RAB3D: variants seen among roughly 807,000 people sequenced by gnomAD.
RAB3D encodes the protein ras-related protein Rab-3D.
RAB3D carries 17 observed loss-of-function variants against 19.3 expected under a neutral mutation model. That is an observed-to-expected ratio of 0.88 (90% CI 0.60 to 1.32). RAB3D has a LOEUF of 1.32. Ranked by LOEUF, RAB3D falls within the 40% of genes most tolerant of loss-of-function variation. RAB3D has a pLI of 0.00. For missense variants in RAB3D, 223 were observed against 299.1 expected (o/e 0.75, Z 1.88); for synonymous variants, 103 against 119.9 (o/e 0.86, Z 0.92).
chr19:11,336,919 A>G (rs1311635097), intron 2 of RAB3D, among the ~76,000 whole-genome samples: 1 of 150,906 alleles, frequency 6.6e-6, no homozygotes, highest in Non-Finnish European at 1.5e-5. Context: ...GCAGTGAGCC[A>G]ACATTGTGCC....
At position 11,323,224 on chromosome 19, in the gene RAB3D, GC is replaced by G. The variant is rs2080791478; in HGVS notation, c.*2173del. 6.6e-6 allele frequency: 1 copy of G among 151,838 alleles called. No homozygotes were observed. The allele number at this position is 151,838 out of a possible 1,614,324, so 9.4% of individuals were successfully genotyped here. A position where few individuals can be genotyped will look rare whatever the true frequency, so the allele number is the denominator to read the frequency against. On this transcript the variant is annotated 3_prime_UTR_variant, in exon 5 of 5. Coordinates refer to ENST00000222120, the MANE Select transcript of RAB3D (RefSeq NM_004283.4). ...AAGTAGCTAAAAATTTTTGACTCCCGCCCACATATTCAGATACCCTCACTTT... is the reference window on the plus strand; with the variant it reads ...AAGTAGCTAAAAATTTTTGACTCCCGCCACATATTCAGATACCCTCACTTT...
Position 11,325,249 on chromosome 19 carries a change from T to C in RAB3D, c.*149A>G, listed in dbSNP as rs1017080367. 1.7e-6 allele frequency: 1 copy of C among 598,180 alleles called. No homozygotes were observed. The allele number at this position is 598,180 out of a possible 1,614,324, so 37.1% of individuals were successfully genotyped here. On this transcript the variant is annotated 3_prime_UTR_variant, in exon 5 of 5. Coordinates refer to ENST00000222120, the MANE Select transcript of RAB3D (RefSeq NM_004283.4). ...AGGAACCTGGCAGCCACGGCGACAT[T>C]GTGAAGGAATGAGCCATGCAGGAGT...
chr19:11,335,759 G>A lies in RAB3D; in HGVS notation c.253C>T (p.Arg85Cys), dbSNP rs770163460. Residue 85 changes from arginine (R) to cysteine (C), a missense_variant, in exon 3 of 5, where the codon CGC (arginine) becomes TGC (cysteine). Coordinates refer to ENST00000222120, the MANE Select transcript of RAB3D (RefSeq NM_004283.4). Reference sequence around the variant, plus strand: ...CGGTAGTAGGCCGTGGTGATGGTGCGGTAGCGCTCCTGGCCCGCTGTGTCC... The same window carrying A: ...CGGTAGTAGGCCGTGGTGATGGTGCAGTAGCGCTCCTGGCCCGCTGTGTCC... ...IWDTAGQERY[R>C]TITTAYYRGA... 1.5e-5 allele frequency: 25 copies of A among 1,614,062 alleles called. No individual in the cohort carries two copies. Among genetic ancestry groups the A allele is most frequent in the East Asian group, 6.7e-5 (3 of 44,884 alleles).
At chr19:11,326,967 C>T (rs556778809) in intron 4 of RAB3D, 4 of 487,570 alleles carry the variant, frequency 8.2e-6, no homozygotes, top group African/African-American at 6.1e-5. Context: ...CCCTGAATCT[C>T]CATGCAGCCC....
chr19:11,328,848 A>G (rs780167245), intron 4 of RAB3D, among the ~76,000 whole-genome samples: 1 of 152,088 alleles, frequency 6.6e-6, no homozygotes, highest in Non-Finnish European at 1.5e-5. Context: ...GTATGGAGAT[A>G]GAGATAAAAG....
Position 11,322,601 on chromosome 19 carries a change from C to T in RAB3D, c.*2797G>A, listed in dbSNP as rs1401659302. On this transcript the variant is annotated 3_prime_UTR_variant, in exon 5 of 5. Transcript: ENST00000222120. ...CTGCAAAAACATCAGTTTTCAGTCC[C>T]CAGAGACCATTTCCAATTAAACCTC... 1 of 152,124 alleles carries T rather than the reference C, an allele frequency of 6.6e-6. No individual in the cohort carries two copies. Among genetic ancestry groups the T allele is most frequent in the East Asian group, 1.9e-4 (1 of 5,194 alleles). The allele number at this position is 152,124 out of a possible 1,614,324, so 9.4% of individuals were successfully genotyped here. A position where few individuals can be genotyped will look rare whatever the true frequency, so the allele number is the denominator to read the frequency against.
rs117863130 is a variant in RAB3D, at chr19:11,335,837, C to T, written c.229-54G>A. The T allele has an allele frequency of 7.0e-4, 1,082 of 1,537,844 alleles. 21 individuals are homozygous for T. The East Asian group carries it at 0.024, about 34-fold the overall frequency. The stretch of plus-strand genomic sequence containing the variant: ...GGAACTACCTGTTTCCCAGTCCACC[C>T]CTGTCTTAGAGGGGCACTGCCCTGT... On this transcript the variant is annotated intron_variant, in intron 2 of 4. Transcript: ENST00000222120.
Position 11,335,314 on chromosome 19 carries a change from G to A in RAB3D, c.472+133C>T. On this transcript the variant is annotated intron_variant, in intron 4 of 4. Transcript: ENST00000222120. ...GATCCCCTGCAATTAGACGGGACATGTGGCATACACATGGGTATCTTCCTG... is the reference window on the plus strand; with the variant it reads ...GATCCCCTGCAATTAGACGGGACATATGGCATACACATGGGTATCTTCCTG... 2.3e-6 allele frequency: 3 copies of A among 1,289,630 alleles called. No homozygotes were observed. In the South Asian group the frequency reaches 4.2e-5, roughly 18 times the overall value. The allele number at this position is 1,289,630 out of a possible 1,614,324, so 79.9% of individuals were successfully genotyped here.
In RAB3D at chr19:11,322,331, C is replaced by T. The variant is rs1236366859; in HGVS notation, c.*3067G>A. 6.6e-6 allele frequency: 1 copy of T among 151,622 alleles called. No individual in the cohort carries two copies. Among genetic ancestry groups the T allele is most frequent in the Admixed American group, 6.6e-5 (1 of 15,190 alleles). 9.4% of individuals were successfully genotyped at this position (151,622 alleles called of 1,614,324 possible). A position where few individuals can be genotyped will look rare whatever the true frequency, so the allele number is the denominator to read the frequency against. On this transcript the variant is annotated 3_prime_UTR_variant, in exon 5 of 5. Transcript: ENST00000222120. The stretch of plus-strand genomic sequence containing the variant: ...TAAAATGTGATCTTGGGAGGAGTCC[C>T]CCAGTCCCCCGAAAAAGAAGAAGAA...
At chr19:11,337,055 C>A (rs1367226195) in intron 2 of RAB3D, 117 bp downstream of exon 2, 1 of 829,754 alleles carries the variant, frequency 1.2e-6, no homozygotes, top group East Asian at 2.5e-5. Flanking sequence ...GATCCCGCCA[C>A]TGCCCTCCAG....
rs1011970173 is a variant in RAB3D, at chr19:11,324,101, G to C, written c.*1297C>G. 6.6e-6 allele frequency: 1 copy of C among 152,106 alleles called. No homozygotes were observed. Among genetic ancestry groups the C allele is most frequent in the Non-Finnish European group, 1.5e-5 (1 of 68,202 alleles). 9.4% of individuals were successfully genotyped at this position (152,106 alleles called of 1,614,324 possible). On this transcript the variant is annotated 3_prime_UTR_variant, in exon 5 of 5. Transcript: ENST00000222120. ...CTGCCACTCTCAGGCTGTCTACAAA[G>C]TACAAGCAGTGACAGCAAGTTACTC...
chr19:11,339,625 C>G lies in RAB3D; in HGVS notation c.-218G>C, dbSNP rs1046455292. 3 of 152,376 alleles carry G rather than the reference C, an allele frequency of 2.0e-5. No individual in the cohort carries two copies. The highest frequency in any genetic ancestry group is 2.9e-5 in the Non-Finnish European group (2 of 68,182). 9.4% of individuals were successfully genotyped at this position (152,376 alleles called of 1,614,324 possible). A position where few individuals can be genotyped will look rare whatever the true frequency, so the allele number is the denominator to read the frequency against. On this transcript the variant is annotated 5_prime_UTR_variant, in exon 1 of 5. Coordinates refer to ENST00000222120, the MANE Select transcript of RAB3D (RefSeq NM_004283.4). ...AGCCGCAGAAGCCAGCAGCCTGCAGCCACCCGGATCCCGCGCGGGCTCCGC... is the reference window on the plus strand; with the variant it reads ...AGCCGCAGAAGCCAGCAGCCTGCAGGCACCCGGATCCCGCGCGGGCTCCGC...
At chr19:11,330,069 A>G (rs1284723047) in intron 4 of RAB3D, among the ~76,000 whole-genome samples, 1 of 152,068 alleles carries the variant, frequency 6.6e-6, no homozygotes, top group Non-Finnish European at 1.5e-5. Flanking sequence ...GTAGGTGTGG[A>G]AAGCACCTCC....
At chr19:11,334,837 T>C (rs751730966) in intron 4 of RAB3D, among the ~76,000 whole-genome samples, 13 of 151,490 alleles carry the variant, frequency 8.6e-5, no homozygotes, top group Non-Finnish European at 1.5e-4. Flanking sequence ...GCAGGAGAAT[T>C]GCTTGAACCT....
intron 4 of RAB3D, among the ~76,000 whole-genome samples, chr19:11,331,679 T>G (rs1017561541): frequency 9.9e-5 from 15 of 151,690 alleles, no homozygotes; most frequent in Middle Eastern, 3.4e-3. Context: ...TTTTGTAGAG[T>G]TGGGGTCTCA....
intron 4 of RAB3D, among the ~76,000 whole-genome samples, chr19:11,328,333 CAAAAAAAAAA>C (rs71164187): frequency 1.7e-5 from 1 of 57,836 alleles, no homozygotes; most frequent in Admixed American, 2.1e-4. Flanking sequence ...GATATTATCT[CAAAAAAAAAA>C]AAAAAAAAAA....
In RAB3D at chr19:11,335,495, C is replaced by T. The variant is rs146192787; in HGVS notation, c.424G>A (p.Glu142Lys). The T allele has an allele frequency of 1.0e-4, 163 of 1,614,194 alleles. No individual in the cohort carries two copies. Among genetic ancestry groups the T allele is most frequent in the Admixed American group, 2.3e-4 (14 of 60,018 alleles). The change falls in exon 4 of 5, where the codon GAA (glutamate) becomes AAA (lysine). Residue 142 changes from glutamate to lysine, a missense_variant. Coordinates refer to ENST00000222120, the MANE Select transcript of RAB3D (RefSeq NM_004283.4). The part of the protein sequence containing the change: ...LVGNKCDLED[E>K]RVVPAEDGRR... ...CCATCCTCAGCAGGCACAACACGTTCGTCCTCCAGGTCACACTTGTTCCCC... is the reference window on the plus strand; with the variant it reads ...CCATCCTCAGCAGGCACAACACGTTTGTCCTCCAGGTCACACTTGTTCCCC...
chr19:11,336,657 A>AC (rs1334187232), intron 2 of RAB3D, among the ~76,000 whole-genome samples: 4 of 151,150 alleles, frequency 2.6e-5, no homozygotes, highest in African/African-American at 9.7e-5. Flanking sequence ...CCGCAATCAG[A>AC]CCCCCAGGAA....
chr19:11,326,610 C>CT lies in RAB3D; in HGVS notation c.473-1026dup, dbSNP rs899257592. Among the ~76,000 whole-genome samples, 7 of 152,214 alleles carry CT rather than the reference C, an allele frequency of 4.6e-5. No individual in the cohort carries two copies. In the South Asian group the frequency reaches 6.2e-4, roughly 14 times the overall value. On this transcript the variant is annotated intron_variant, in intron 4 of 4. Coordinates refer to ENST00000222120, the MANE Select transcript of RAB3D (RefSeq NM_004283.4). ...ACCCATCAAGTCACATTTTCCATTG[C>CT]TTTTTTTAAAAGAGAAACGGTCTCT...
Sources: gnomAD v4.1 joint callset for allele counts (sites outside exome capture counted in the v4.1 genomes callset) on GRCh38, gnomAD v4.1.1 for gene constraint, MANE v1.5 for transcripts, NCBI Gene and HGNC (gene_info 2026-07-23, HGNC 2026-07-21) for gene names.